The following PRR16 variants were observed in gnomAD, a reference collection of about 807,000 sequenced individuals.
PRR16 encodes the protein proline rich 16.
In PRR16, 6 loss-of-function variants were observed where a neutral mutation model predicts 18.2. The ratio of observed to expected loss-of-function variants is 0.33; its 90% CI spans 0.18 to 0.65. PRR16 has a LOEUF of 0.65. PRR16 is among the 30% of genes least tolerant of loss of function. The pLI is 0.74. For missense variants in PRR16, 412 were observed against 376.6 expected (o/e 1.09, Z -0.78); for synonymous variants, 151 against 147.8 (o/e 1.02, Z -0.16).
chr5:120,564,231 A>C (rs987043947), intron 1 of PRR16, among the ~76,000 whole-genome samples: 1 of 152,100 alleles, frequency 6.6e-6, no homozygotes, highest in Non-Finnish European at 1.5e-5. Flanking sequence ...GGGGTGGTAC[A>C]GGCATTCCCA....
chr5:120,655,831 T>C (rs1174065767), intron 1 of PRR16, among the ~76,000 whole-genome samples: 1 of 151,456 alleles, frequency 6.6e-6, no homozygotes, highest in East Asian at 1.9e-4. Flanking sequence ...CTCTTGAAGA[T>C]CTAGGTGGAT....
chr5:120,638,456 A>G (rs745722379), intron 1 of PRR16, among the ~76,000 whole-genome samples: 4 of 152,168 alleles, frequency 2.6e-5, no homozygotes, highest in African/African-American at 9.6e-5. Flanking sequence ...ATGGTAGTCA[A>G]TATGATAATA....
At chr5:120,741,956 C>A in the PRR16 span, among the ~76,000 whole-genome samples, 1 of 151,886 alleles carries the variant, frequency 6.6e-6, no homozygotes, top group African/African-American at 2.4e-5. Flanking sequence ...TGTTTTTTTG[C>A]CAAGTGTCTT....
At chr5:120,709,675 T>TAAA in the PRR16 span, among the ~76,000 whole-genome samples, 22 of 152,300 alleles carry the variant, frequency 1.4e-4, no homozygotes, top group Admixed American at 8.5e-4. Flanking sequence ...ACCACCATTT[T>TAAA]ACTCTCTACC....
chr5:120,479,272 T>C (rs1341927480), intron 1 of PRR16, among the ~76,000 whole-genome samples: 1 of 152,126 alleles, frequency 6.6e-6, no homozygotes, highest in African/African-American at 2.4e-5. Context: ...GCGAGGCCTT[T>C]TCATATGCGT....
chr5:120,738,234 T>C, the PRR16 span, among the ~76,000 whole-genome samples: 1 of 152,088 alleles, frequency 6.6e-6, no homozygotes, highest in Non-Finnish European at 1.5e-5. Flanking sequence ...CAGTAATACA[T>C]CTATGGGGGC....
intron 1 of PRR16, among the ~76,000 whole-genome samples, chr5:120,467,423 A>T (rs935801384): frequency 6.6e-6 from 1 of 152,152 alleles, no homozygotes; most frequent in Admixed American, 6.5e-5. Flanking sequence ...CTTTTAAAAA[A>T]TATCTAGTTA....
chr5:120,780,955 CAGG>C, the PRR16 span, among the ~76,000 whole-genome samples: 1 of 152,160 alleles, frequency 6.6e-6, no homozygotes, highest in African/African-American at 2.4e-5. Context: ...GAGGCTGAGG[CAGG>C]AGAATTCCTT....
chr5:120,670,551 C>T (rs1419694400), intron 1 of PRR16, among the ~76,000 whole-genome samples: 1 of 152,162 alleles, frequency 6.6e-6, no homozygotes, highest in Admixed American at 6.6e-5. Flanking sequence ...ATTAAACCCT[C>T]TCTTTCATGT....
chr5:120,481,286 A>G (rs761819564), intron 1 of PRR16: 8 of 450,498 alleles, frequency 1.8e-5, no homozygotes, highest in South Asian at 1.3e-4. Flanking sequence ...GTGCGCCACT[A>G]CGCCTGGGTA....
chr5:120,717,688 T>G, the PRR16 span, among the ~76,000 whole-genome samples: 1 of 152,192 alleles, frequency 6.6e-6, no homozygotes, highest in Non-Finnish European at 1.5e-5. Context: ...CTATATTTTC[T>G]TTGTGAAGAA....
the PRR16 span, among the ~76,000 whole-genome samples, chr5:120,793,411 G>A: frequency 6.6e-6 from 1 of 152,118 alleles, no homozygotes; most frequent in Non-Finnish European, 1.5e-5. Flanking sequence ...TAACCCAGTG[G>A]GTAGAGAAAG....
At chr5:120,739,178 T>C in the PRR16 span, among the ~76,000 whole-genome samples, 2 of 152,112 alleles carry the variant, frequency 1.3e-5, no homozygotes, top group Non-Finnish European at 1.5e-5. Flanking sequence ...AACCAAAGTT[T>C]CTGTGAGTGA....
Position 120,479,834 on chromosome 5 carries a change from C to G in PRR16, c.159+15189C>G, listed in dbSNP as rs370645868. Among the ~76,000 whole-genome samples the G allele has an allele frequency of 4.6e-5, 7 of 151,998 alleles. No homozygotes were observed. The East Asian group carries it at 1.2e-3, about 25-fold the overall frequency. ...AGTTTTTAAGTAACTTTGATACCTA[C>G]TAGTTCTTAAGTAACTGTGATACCT... On this transcript the variant is annotated intron_variant, in intron 1 of 1. Transcript: ENST00000407149.
In PRR16 at chr5:120,686,257, C is replaced by A; in HGVS notation, c.463C>A (p.Arg155=). The A allele has an allele frequency of 6.2e-7, 1 of 1,614,048 alleles. No individual in the cohort carries two copies. Among genetic ancestry groups the A allele is most frequent in the South Asian group, 1.1e-5 (1 of 91,078 alleles). ...TGTAAAAACCAATGGCACCCTTCTA[C>A]GAAATGGAGGCTTACCAGGTGGACC... ...NPVKTNGTLL[R]NGGLPGGPNK... The change falls in exon 2 of 2, where the codon CGA becomes AGA. Residue 155 remains arginine (R), a synonymous_variant. Coordinates refer to ENST00000407149, the MANE Select transcript of PRR16 (RefSeq NM_001300783.2).
chr5:120,767,685 A>T, the PRR16 span, among the ~76,000 whole-genome samples: 1 of 151,892 alleles, frequency 6.6e-6, no homozygotes, highest in East Asian at 1.9e-4. Context: ...ACAGTCCAAC[A>T]AACATGATGT....
chr5:120,642,619 C>A (rs765094844), intron 1 of PRR16, among the ~76,000 whole-genome samples: 1 of 152,108 alleles, frequency 6.6e-6, no homozygotes, highest in Non-Finnish European at 1.5e-5. Flanking sequence ...ATGCTGCAAC[C>A]ATAAATTTTG....
intron 1 of PRR16, among the ~76,000 whole-genome samples, chr5:120,564,527 G>A (rs150793876): frequency 2.6e-5 from 4 of 152,166 alleles, no homozygotes; most frequent in South Asian, 2.1e-4. Flanking sequence ...TTTGCTCTCC[G>A]CTATAACAAG....
the PRR16 span, among the ~76,000 whole-genome samples, chr5:120,761,084 C>G: frequency 6.6e-6 from 1 of 150,976 alleles, no homozygotes; most frequent in Non-Finnish European, 1.5e-5. Context: ...TTGTCTTATA[C>G]ATATAAAATT....
Sources: allele counts gnomAD v4.1 joint callset (sites outside exome capture counted in the v4.1 genomes callset), GRCh38; gene constraint gnomAD v4.1.1; transcripts MANE v1.5; gene names NCBI Gene and HGNC (gene_info 2026-07-23, HGNC 2026-07-21).